The following BRINP3 variants were observed in gnomAD, a reference collection of about 807,000 sequenced individuals.
The protein encoded by BRINP3 is BMP/retinoic acid-inducible neural-specific protein 3.
Under a neutral mutation model 71.0 loss-of-function variants are expected in BRINP3, and 19 were observed. The observed-to-expected ratio is 0.27, with a 90% CI of 0.19 to 0.39. The LOEUF is 0.39. Ranked by LOEUF, BRINP3 falls within the 10% of genes least tolerant of loss-of-function variation. BRINP3 has a pLI of 1.00. For synonymous variants in BRINP3, 380 were observed against 337.7 expected (o/e 1.13, Z -1.37); for missense variants, 959 against 940.8 (o/e 1.02, Z -0.25).
At chr1:190,213,091 G>A (rs1466862505) in intron 6 of BRINP3, among the ~76,000 whole-genome samples, 1 of 151,936 alleles carries the variant, frequency 6.6e-6, no homozygotes, top group Admixed American at 6.6e-5. Context: ...TCCATATTAG[G>A]CCATGAGGAA....
At chr1:190,281,041 A>C (rs917119675) in intron 3 of BRINP3, among the ~76,000 whole-genome samples, 1 of 151,968 alleles carries the variant, frequency 6.6e-6, no homozygotes, top group Non-Finnish European at 1.5e-5. Context: ...ATTTACATAT[A>C]CAAAGAAAGT....
intron 1 of BRINP3, among the ~76,000 whole-genome samples, chr1:190,476,148 C>T (rs930175414): frequency 6.6e-6 from 1 of 150,450 alleles, no homozygotes; most frequent in African/African-American, 2.4e-5. Context: ...AGCTGGAGTA[C>T]TTTTATGTCT....
chr1:190,419,649 C>G (rs1673231357), intron 2 of BRINP3, among the ~76,000 whole-genome samples: 2 of 151,304 alleles, frequency 1.3e-5, no homozygotes, highest in African/African-American at 2.4e-5. Context: ...TTTCTCTGTT[C>G]AGTTCCTAGT....
At chr1:190,177,330 T>A (rs900291345) in intron 6 of BRINP3, among the ~76,000 whole-genome samples, 4 of 30,604 alleles carry the variant, frequency 1.3e-4, no homozygotes, top group Non-Finnish European at 2.0e-4. Context: ...GCCTGGATAA[T>A]TTTTTTTTTT....
At chr1:190,443,809 C>T (rs1675004265) in intron 2 of BRINP3, among the ~76,000 whole-genome samples, 4 of 152,190 alleles carry the variant, frequency 2.6e-5, no homozygotes. Context: ...CTTACCTACC[C>T]TGGCCAATCA....
intron 1 of BRINP3, among the ~76,000 whole-genome samples, chr1:190,460,115 C>G (rs950959666): frequency 6.6e-6 from 1 of 151,690 alleles, no homozygotes; most frequent in Non-Finnish European, 1.5e-5. Context: ...AATACTGAAG[C>G]TTATAAATGT....
chr1:190,316,441 T>C (rs763253511), intron 2 of BRINP3, among the ~76,000 whole-genome samples: 16 of 152,136 alleles, frequency 1.1e-4, no homozygotes, highest in Non-Finnish European at 1.8e-4. Flanking sequence ...GACAAAATTA[T>C]TGGGTTTGAA....
chr1:190,377,903 C>T (rs1000143791), intron 2 of BRINP3, among the ~76,000 whole-genome samples: 6 of 151,926 alleles, frequency 3.9e-5, no homozygotes, highest in Non-Finnish European at 8.8e-5. Flanking sequence ...AAAGACATTC[C>T]ATATTCATTG....
At chr1:190,147,903 G>T (rs1001581006) in intron 7 of BRINP3, among the ~76,000 whole-genome samples, 5 of 152,276 alleles carry the variant, frequency 3.3e-5, no homozygotes, top group African/African-American at 1.2e-4. Flanking sequence ...AAATAAACAG[G>T]CCTGGATGTA....
At chr1:190,459,958 CT>C (rs1166655053) in intron 1 of BRINP3, among the ~76,000 whole-genome samples, 1 of 151,816 alleles carries the variant, frequency 6.6e-6, no homozygotes, top group East Asian at 1.9e-4. Context: ...CCCTGTCTCT[CT>C]CCCTCTCATA....
At chr1:190,176,322 A>T (rs898769867) in intron 6 of BRINP3, among the ~76,000 whole-genome samples, 3 of 152,126 alleles carry the variant, frequency 2.0e-5, no homozygotes, top group African/African-American at 7.2e-5. Flanking sequence ...TATGGCTCCC[A>T]TTGGTCTGCA....
intron 2 of BRINP3, among the ~76,000 whole-genome samples, chr1:190,442,648 A>C (rs1674903418): frequency 6.6e-6 from 1 of 152,086 alleles, no homozygotes. Flanking sequence ...CAAGTAAGGT[A>C]CTTACGTGTG....
intron 2 of BRINP3, among the ~76,000 whole-genome samples, chr1:190,442,273 A>G (rs1201483750): frequency 6.6e-6 from 1 of 152,186 alleles, no homozygotes; most frequent in Non-Finnish European, 1.5e-5. Context: ...CTAATTTTCT[A>G]TTCTGTTTTG....
chr1:190,395,902 C>A (rs1407444334), intron 2 of BRINP3, among the ~76,000 whole-genome samples: 1 of 151,642 alleles, frequency 6.6e-6, no homozygotes, highest in Non-Finnish European at 1.5e-5. Flanking sequence ...CAGTATGTCC[C>A]TTCTAACACC....
chr1:190,101,230 T>A (rs1308922115), intron 7 of BRINP3, among the ~76,000 whole-genome samples: 2 of 152,154 alleles, frequency 1.3e-5, no homozygotes, highest in East Asian at 3.9e-4. Context: ...ACTTTTAAGA[T>A]AAATTCTCTC....
intron 2 of BRINP3, among the ~76,000 whole-genome samples, chr1:190,327,249 A>G (rs1666642965): frequency 7.4e-6 from 1 of 134,466 alleles, no homozygotes; most frequent in Admixed American, 8.4e-5. Flanking sequence ...CAGGAGGCGG[A>G]GGTTGCAGGG....
intron 3 of BRINP3, among the ~76,000 whole-genome samples, chr1:190,273,078 C>T (rs1220963564): frequency 1.3e-5 from 2 of 148,946 alleles, no homozygotes; most frequent in Non-Finnish European, 3.0e-5. Context: ...TTGTGCATAA[C>T]TATCATACTT....
intron 2 of BRINP3, among the ~76,000 whole-genome samples, chr1:190,395,990 GAAGC>G (rs1671541969): frequency 6.9e-6 from 1 of 145,676 alleles, no homozygotes; most frequent in Non-Finnish European, 1.5e-5. Context: ...AGGAAGGAAG[GAAGC>G]AAGGAAGGAA....
intron 7 of BRINP3, among the ~76,000 whole-genome samples, chr1:190,159,702 G>A (rs1382251149): frequency 6.6e-6 from 1 of 151,896 alleles, no homozygotes; most frequent in Non-Finnish European, 1.5e-5. Context: ...AGGTTTATGA[G>A]GAGTGACTGC....
Sources: allele counts gnomAD v4.1 joint callset (sites outside exome capture counted in the v4.1 genomes callset), GRCh38; gene constraint gnomAD v4.1.1; transcripts MANE v1.5; gene names NCBI Gene and HGNC (gene_info 2026-07-23, HGNC 2026-07-21).